PIGK: variants seen among roughly 807,000 people sequenced by gnomAD.
PIGK encodes GPI-anchor transamidase.
A neutral mutation model predicts 50.6 loss-of-function variants in PIGK; 42 were observed. That is an observed-to-expected ratio of 0.83 (90% confidence interval 0.65 to 1.07). The LOEUF (loss-of-function observed/expected upper bound fraction) is 1.07. PIGK is among the 50% of genes least tolerant of loss of function. The pLI, the probability that PIGK is intolerant of heterozygous loss-of-function variation, is 0.00. For missense variants in PIGK, 448 were observed against 488.7 expected (o/e 0.92, Z 0.78); for synonymous variants, 151 against 156.0 (o/e 0.97, Z 0.24).
At chr1:77,201,849 G>A (rs1656174446) in intron 3 of PIGK, among the ~76,000 whole-genome samples, 1 of 152,116 alleles carries the variant, frequency 6.6e-6, no homozygotes, top group South Asian at 2.1e-4. Context: ...TTGAGCTCAG[G>A]AGTTCAAGAA....
At chr1:77,123,285 C>A (rs1654145270) in intron 9 of PIGK, among the ~76,000 whole-genome samples, 1 of 152,106 alleles carries the variant, frequency 6.6e-6, no homozygotes, top group Non-Finnish European at 1.5e-5. Flanking sequence ...AATTACACAT[C>A]AGCTTATCAA....
intron 6 of PIGK, among the ~76,000 whole-genome samples, 161 bp from the exon 7 acceptor site, chr1:77,161,872 T>C (rs1027355892): frequency 6.6e-6 from 1 of 152,188 alleles, no homozygotes; most frequent in Non-Finnish European, 1.5e-5. Flanking sequence ...TCAGAAAAGT[T>C]AAAGGTATAA....
intron 9 of PIGK, among the ~76,000 whole-genome samples, chr1:77,136,255 C>T (rs1390747835): frequency 1.3e-5 from 2 of 152,032 alleles, no homozygotes; most frequent in African/African-American, 2.4e-5. Flanking sequence ...GTCGGCCGGG[C>T]GCGGTGGCTC....
chr1:77,127,147 T>A (rs751145536), intron 9 of PIGK, among the ~76,000 whole-genome samples: 33 of 152,190 alleles, frequency 2.2e-4, no homozygotes, highest in Admixed American at 3.9e-4. Flanking sequence ...GTCCAAATCC[T>A]CTGCATAAAT....
intron 3 of PIGK, among the ~76,000 whole-genome samples, chr1:77,177,495 ACTTCGGTCCATCC>A (rs1242861819): frequency 1.3e-5 from 2 of 152,274 alleles, no homozygotes; most frequent in African/African-American, 2.4e-5. Flanking sequence ...CCATCCCTTT[ACTTCGGTCCATCC>A]CTTTGTTTCC....
At position 77,136,256 on chromosome 1, in the gene PIGK, G is replaced by A. The variant is rs555700103; in HGVS notation, c.987-13897C>T. 3.8e-3 allele frequency among the ~76,000 whole-genome samples: 574 copies of A among 152,152 alleles called. 4 individuals carry two copies. The highest frequency in any genetic ancestry group is 6.9e-3 in the Non-Finnish European group (469 of 67,988). On this transcript the variant is annotated intron_variant, in intron 9 of 10. Coordinates refer to ENST00000370812, the MANE Select transcript of PIGK (RefSeq NM_005482.3). ...TTAAGATGTTTGCTGTCGGCCGGGC[G>A]CGGTGGCTCACGCCTGTAATCCCAG...
intron 3 of PIGK, among the ~76,000 whole-genome samples, chr1:77,191,182 T>C (rs1478008491): frequency 6.6e-6 from 1 of 152,196 alleles, no homozygotes; most frequent in Non-Finnish European, 1.5e-5. Flanking sequence ...CTCACAGAAA[T>C]AGTCAAAATC....
At chr1:77,134,609 A>G (rs2100538063) in intron 9 of PIGK, among the ~76,000 whole-genome samples, 1 of 152,326 alleles carries the variant, frequency 6.6e-6, no homozygotes, top group South Asian at 2.1e-4. Context: ...GAATGATTAC[A>G]GAGAAAAATT....
intron 3 of PIGK, among the ~76,000 whole-genome samples, chr1:77,184,204 A>G (rs1031570537): frequency 7.3e-6 from 1 of 136,394 alleles, no homozygotes; most frequent in African/African-American, 2.7e-5. Flanking sequence ...TGGCTAATTA[A>G]TCACGGTGCT....
At chr1:77,093,013 G>C (rs1444061600) in intron 10 of PIGK, among the ~76,000 whole-genome samples, 5 of 152,034 alleles carry the variant, frequency 3.3e-5, no homozygotes, top group African/African-American at 1.2e-4. Flanking sequence ...TTAAGTGCCA[G>C]TGCCTTGGGT....
chr1:77,177,298 T>C (rs931711665), intron 3 of PIGK, among the ~76,000 whole-genome samples: 6 of 152,226 alleles, frequency 3.9e-5, no homozygotes, highest in East Asian at 1.9e-4. Flanking sequence ...CTCTGCAGCA[T>C]TGTGACATGT....
At chr1:77,153,360 G>T (rs1320182125) in intron 9 of PIGK, among the ~76,000 whole-genome samples, 1 of 151,930 alleles carries the variant, frequency 6.6e-6, no homozygotes, top group Non-Finnish European at 1.5e-5. Context: ...AAAGTGTTTG[G>T]GAGGAGAATG....
At chr1:77,153,156 C>T (rs1654929301) in intron 9 of PIGK, among the ~76,000 whole-genome samples, 1 of 152,012 alleles carries the variant, frequency 6.6e-6, no homozygotes, top group Non-Finnish European at 1.5e-5. Flanking sequence ...TGTATATATA[C>T]ACAATAAAAT....
At chr1:77,215,994 G>A (rs182807874) in intron 1 of PIGK, among the ~76,000 whole-genome samples, 2 of 152,224 alleles carry the variant, frequency 1.3e-5, no homozygotes, top group Admixed American at 1.3e-4. Context: ...ATTACAGATA[G>A]CAGGAATAAG....
intron 9 of PIGK, among the ~76,000 whole-genome samples, chr1:77,123,823 G>A (rs1021591570): frequency 6.6e-6 from 1 of 151,956 alleles, no homozygotes; most frequent in Non-Finnish European, 1.5e-5. Context: ...GCTGAATTGT[G>A]CCCTTCAACA....
Position 77,173,095 on chromosome 1 carries a change from A to G in PIGK, c.240-3700T>C, listed in dbSNP as rs536068653. 5.9e-5 allele frequency among the ~76,000 whole-genome samples: 9 copies of G among 152,300 alleles called. No homozygotes were observed. In the South Asian group the frequency reaches 1.4e-3, roughly 25 times the overall value. Reference sequence around the variant, plus strand: ...AAATGAGATTCTTAATTTCTGAAGAACTGAGTTCCTTCTGGCTTATACATG... The same window carrying G: ...AAATGAGATTCTTAATTTCTGAAGAGCTGAGTTCCTTCTGGCTTATACATG... On this transcript the variant is annotated intron_variant, in intron 3 of 10. Coordinates refer to ENST00000370812, the MANE Select transcript of PIGK (RefSeq NM_005482.3).
intron 3 of PIGK, among the ~76,000 whole-genome samples, chr1:77,175,692 T>C (rs1655469136): frequency 6.6e-6 from 1 of 152,138 alleles, no homozygotes; most frequent in African/African-American, 2.4e-5. Flanking sequence ...TTTGTAAAAA[T>C]TAATTGTAAA....
intron 3 of PIGK, among the ~76,000 whole-genome samples, chr1:77,183,875 CTTTAGACCTAT>C (rs1334139125): frequency 6.6e-6 from 1 of 152,126 alleles, no homozygotes; most frequent in Admixed American, 6.5e-5. Flanking sequence ...GGATTAGTCA[CTTTAGACCTAT>C]TCATCCCAGC....
rs1653253938 is a variant in PIGK at position 77,089,621 on chromosome 1, T to A, written c.*2753A>T. Reference sequence around the variant, plus strand: ...AAATACTCAGTAAGCAGAAACAAGCTGAGTTATGCTTCTTGTGGGAATCAT... The same window carrying A: ...AAATACTCAGTAAGCAGAAACAAGCAGAGTTATGCTTCTTGTGGGAATCAT... On this transcript the variant is annotated 3_prime_UTR_variant, in exon 11 of 11. Transcript: ENST00000370812. The A allele has an allele frequency of 6.6e-6, 1 of 152,606 alleles. No individual in the cohort carries two copies. Among genetic ancestry groups the A allele is most frequent in the South Asian group, 2.1e-4 (1 of 4,830 alleles). 9.5% of individuals were successfully genotyped at this position (152,606 alleles called of 1,614,324 possible). A position where few individuals can be genotyped will look rare whatever the true frequency, so the allele number is the denominator to read the frequency against.
Sources: allele counts gnomAD v4.1 joint callset (sites outside exome capture counted in the v4.1 genomes callset), GRCh38; gene constraint gnomAD v4.1.1; transcripts MANE v1.5; gene names NCBI Gene and HGNC (gene_info 2026-07-23, HGNC 2026-07-21).